CNTNAP5: variants seen among roughly 807,000 people sequenced by gnomAD.
CNTNAP5 encodes the protein contactin associated protein family member 5, also known as contactin-associated protein-like 5.
A neutral mutation model predicts 150.2 loss-of-function variants in CNTNAP5; 72 were observed. The ratio of observed to expected loss-of-function variants is 0.48; its 90% CI spans 0.40 to 0.58. The LOEUF is 0.58. CNTNAP5 is among the 20% of genes least tolerant of loss of function. The pLI is 0.00. For synonymous variants in CNTNAP5, 672 were observed against 619.8 expected, an observed-to-expected ratio of 1.08 and a Z score of -1.25; for missense variants, 1,636 against 1,626.2, an observed-to-expected ratio of 1.01 and a Z score of -0.10.
At chr2:124,525,235 T>C (rs565308118) in intron 9 of CNTNAP5, among the ~76,000 whole-genome samples, 23 of 152,360 alleles carry the variant, frequency 1.5e-4, no homozygotes, top group South Asian at 1.2e-3. Flanking sequence ...AAACAGTCTC[T>C]GAAAAGGATT....
At chr2:124,305,364 T>A (rs1350355240) in intron 3 of CNTNAP5, among the ~76,000 whole-genome samples, 1 of 152,074 alleles carries the variant, frequency 6.6e-6, no homozygotes, top group Admixed American at 6.6e-5. Flanking sequence ...ATGCTGGTAA[T>A]GCACATAAGC....
intron 3 of CNTNAP5, among the ~76,000 whole-genome samples, chr2:124,300,617 G>A (rs1688549797): frequency 6.6e-6 from 1 of 152,200 alleles, no homozygotes; most frequent in African/African-American, 2.4e-5. Flanking sequence ...CCACAGGCGA[G>A]TGGCAGGGAT....
At chr2:124,368,345 C>T (rs532146354) in intron 3 of CNTNAP5, among the ~76,000 whole-genome samples, 70 of 152,198 alleles carry the variant, frequency 4.6e-4, no homozygotes, top group Middle Eastern at 3.4e-3. Flanking sequence ...TAATACGCAG[C>T]GTTTTTGAGG....
At chr2:124,584,636 T>C (rs1283587947) in intron 11 of CNTNAP5, among the ~76,000 whole-genome samples, 1 of 152,220 alleles carries the variant, frequency 6.6e-6, no homozygotes, top group Non-Finnish European at 1.5e-5. Context: ...TCTTTAATGG[T>C]ATGCAAATGC....
At chr2:124,412,490 C>G (rs1020304264) in intron 3 of CNTNAP5, among the ~76,000 whole-genome samples, 1 of 151,568 alleles carries the variant, frequency 6.6e-6, no homozygotes, top group African/African-American at 2.4e-5. Flanking sequence ...TACTACAAGG[C>G]TACAGTAACC....
rs1689578088 is a variant in CNTNAP5, at chr2:124,340,276, C to CT, written c.382-77166dup. Among the ~76,000 whole-genome samples the CT allele has an allele frequency of 2.6e-5, 4 of 152,200 alleles. No homozygotes were observed. The South Asian group carries it at 8.3e-4, about 31-fold the overall frequency. ...AGTCAGAAGCAAGATGGAGTCAACT[C>CT]TATCAGATTTCTCTTACTGTTATAA... On this transcript the variant is annotated intron_variant, in intron 3 of 23. Transcript: ENST00000682447.
At chr2:124,388,812 C>G (rs1691001585) in intron 3 of CNTNAP5, among the ~76,000 whole-genome samples, 2 of 152,258 alleles carry the variant, frequency 1.3e-5, no homozygotes, top group Non-Finnish European at 1.5e-5. Context: ...TCCCGAGTAG[C>G]TGGGATTGTG....
intron 10 of CNTNAP5, among the ~76,000 whole-genome samples, chr2:124,532,546 C>A (rs1695134895): frequency 6.6e-6 from 1 of 152,040 alleles, no homozygotes; most frequent in African/African-American, 2.4e-5. Context: ...GGTGTGAAGC[C>A]AAACCAGGAG....
rs1167694990 is a variant in CNTNAP5 at position 124,226,561 on chromosome 2, A to AT, written c.187+4759dup. 5.3e-5 allele frequency among the ~76,000 whole-genome samples: 8 copies of AT among 151,856 alleles called. No homozygotes were observed. In the South Asian group the frequency reaches 1.0e-3, roughly 20 times the overall value. On this transcript the variant is annotated intron_variant, in intron 2 of 23. Transcript: ENST00000682447. ...CTCCAATTTGATAGTTTGCCTTTTA[A>AT]TTTTTTTAATTCTTTTTCTTTTTTG...
At chr2:124,622,878 A>G (rs1217186566) in intron 12 of CNTNAP5, among the ~76,000 whole-genome samples, 1 of 152,190 alleles carries the variant, frequency 6.6e-6, no homozygotes, top group Admixed American at 6.5e-5. Context: ...TTGTCATTTG[A>G]TTACAGACTG....
At chr2:124,264,374 GCACACACACACACATA>G (rs1185624089) in intron 3 of CNTNAP5, among the ~76,000 whole-genome samples, 8 of 50,166 alleles carry the variant, frequency 1.6e-4, no homozygotes, top group East Asian at 6.8e-4. Flanking sequence ...ACACACACAG[GCACACACACACACATA>G]CACACACACA....
chr2:124,673,308 G>A (rs1186739224), intron 13 of CNTNAP5, among the ~76,000 whole-genome samples: 1 of 152,062 alleles, frequency 6.6e-6, no homozygotes, highest in African/African-American at 2.4e-5. Context: ...ATTTAATCTG[G>A]TGATTGCAGT....
chr2:124,555,355 T>C (rs1349930457), intron 10 of CNTNAP5, among the ~76,000 whole-genome samples: 2 of 152,206 alleles, frequency 1.3e-5, no homozygotes, highest in Non-Finnish European at 2.9e-5. Context: ...CTGTCAGTGT[T>C]GGTGACTGTG....
At chr2:124,515,217 G>T (rs1357563142) in intron 8 of CNTNAP5, among the ~76,000 whole-genome samples, 1 of 152,180 alleles carries the variant, frequency 6.6e-6, no homozygotes, top group Non-Finnish European at 1.5e-5. Context: ...AGATTCAGTT[G>T]GTCTGATGCT....
intron 3 of CNTNAP5, among the ~76,000 whole-genome samples, chr2:124,245,739 A>G (rs1687005734): frequency 6.6e-6 from 1 of 151,410 alleles, no homozygotes; most frequent in East Asian, 1.9e-4. Flanking sequence ...ATACATATAT[A>G]TATATTTGGA....
At chr2:124,153,953 A>G (rs777613034) in intron 1 of CNTNAP5, among the ~76,000 whole-genome samples, 2 of 151,670 alleles carry the variant, frequency 1.3e-5, no homozygotes, top group Non-Finnish European at 2.9e-5. Flanking sequence ...CATTAATCCT[A>G]TTTCTGAGAA....
chr2:124,865,585 T>A (rs951001160), intron 20 of CNTNAP5, 149 bp downstream of exon 20: 2 of 711,708 alleles, frequency 2.8e-6, no homozygotes, highest in Non-Finnish European at 4.6e-6. Context: ...AGAACTAGGA[T>A]AGTGGTTCTC....
At chr2:124,432,063 G>A (rs1692403875) in intron 4 of CNTNAP5, among the ~76,000 whole-genome samples, 1 of 152,204 alleles carries the variant, frequency 6.6e-6, no homozygotes, top group African/African-American at 2.4e-5. Flanking sequence ...GGTGGTATGA[G>A]TGAGTGGACA....
chr2:124,605,809 CAAAAA>C (rs36090348), intron 11 of CNTNAP5, among the ~76,000 whole-genome samples: 3 of 34,432 alleles, frequency 8.7e-5, no homozygotes, highest in African/African-American at 4.1e-4. Context: ...AAGACTCTGT[CAAAAA>C]AAAAAAAAAA....
Sources: allele counts gnomAD v4.1 joint callset (sites outside exome capture counted in the v4.1 genomes callset), GRCh38; gene constraint gnomAD v4.1.1; transcripts MANE v1.5; gene names NCBI Gene and HGNC (gene_info 2026-07-23, HGNC 2026-07-21).